The following ACKR5 variants were observed in gnomAD, a reference collection of about 807,000 sequenced individuals.
The protein encoded by ACKR5 is G protein-coupled receptor 182.
chr12:56,995,718 G>T, the ACKR5 span: 1 of 1,613,722 alleles, frequency 6.2e-7, no homozygotes, highest in Non-Finnish European at 8.5e-7. This position sits in a 1 kb window ranked among gnomAD's most constrained non-coding sequence, Gnocchi z 4.7. Flanking sequence ...CACCGAGTGC[G>T]GCGGGCCATG....
chr12:56,998,254 G>A, the ACKR5 span: 5 of 152,144 alleles, frequency 3.3e-5, no homozygotes, highest in Non-Finnish European at 7.3e-5. Context: ...ACTTCCCTAA[G>A]GCCTCCCATC....
chr12:56,995,960 C>A, the ACKR5 span: 1 of 1,612,036 alleles, frequency 6.2e-7, no homozygotes, highest in South Asian at 1.1e-5. This position sits in a 1 kb window ranked among gnomAD's most constrained non-coding sequence, Gnocchi z 4.7. Flanking sequence ...GCCAGGACAA[C>A]CCAAGAGCCG....
the ACKR5 span, chr12:56,996,426 G>T: frequency 1.3e-6 from 2 of 1,570,678 alleles, no homozygotes; most frequent in Non-Finnish European, 1.7e-6. Context: ...CCCAGCTGAG[G>T]TAGAGGCCAG....
the ACKR5 span, chr12:56,995,777 G>C: frequency 1.9e-6 from 3 of 1,614,070 alleles, no homozygotes; most frequent in Non-Finnish European, 2.5e-6. The surrounding 1 kb of genome is among the most constrained non-coding windows in gnomAD (Gnocchi z 4.7). Context: ...GCCTGAGGTG[G>C]TCCACATCCA....
At chr12:56,996,305 G>C in the ACKR5 span, 7 of 1,614,182 alleles carry the variant, frequency 4.3e-6, no homozygotes, top group Non-Finnish European at 5.9e-6. Flanking sequence ...CATCACCAAG[G>C]GTGATAGCCA....
chr12:56,996,608 G>A, the ACKR5 span: 2 of 569,038 alleles, frequency 3.5e-6, no homozygotes, highest in African/African-American at 1.9e-5. Flanking sequence ...CCTCAGTGTT[G>A]TACTATTTGT....
chr12:56,995,904 C>T, the ACKR5 span: 16 of 1,612,520 alleles, frequency 9.9e-6, no homozygotes, highest in South Asian at 9.9e-5. This position sits in a 1 kb window ranked among gnomAD's most constrained non-coding sequence, Gnocchi z 4.7. Context: ...CTGCCCTTCC[C>T]TCTCATCACA....
At chr12:56,996,283 G>A in the ACKR5 span, 2 of 1,614,134 alleles carry the variant, frequency 1.2e-6, no homozygotes, top group Non-Finnish European at 1.7e-6. Context: ...GTTCCACCCA[G>A]CATTCCATCA....
At chr12:56,997,836 G>C in the ACKR5 span, 1 of 152,326 alleles carries the variant, frequency 6.6e-6, no homozygotes, top group East Asian at 1.9e-4. Flanking sequence ...GAACTGTTCT[G>C]TGGATGCACT....
At chr12:56,995,784 T>C in the ACKR5 span, 1 of 1,614,094 alleles carries the variant, frequency 6.2e-7, no homozygotes, top group Non-Finnish European at 8.5e-7. The surrounding 1 kb of genome is among the most constrained non-coding windows in gnomAD (Gnocchi z 4.7). Context: ...GTGGTCCACA[T>C]CCAGCTGGTG....
chr12:56,994,840 G>A, the ACKR5 span, among the ~76,000 whole-genome samples: 15 of 151,118 alleles, frequency 9.9e-5, no homozygotes, highest in Admixed American at 9.9e-4. Flanking sequence ...AAGGGCTGAG[G>A]AATGAAGTGC....
the ACKR5 span, chr12:56,995,280 G>C: frequency 6.2e-7 from 1 of 1,614,126 alleles, no homozygotes; most frequent in South Asian, 1.1e-5. The surrounding 1 kb of genome is among the most constrained non-coding windows in gnomAD (Gnocchi z 4.7). Flanking sequence ...AGTGACCTTG[G>C]AGAGATCCAC....
chr12:56,995,746 C>T, the ACKR5 span: 2 of 1,613,786 alleles, frequency 1.2e-6, no homozygotes, highest in African/African-American at 2.7e-5. This position sits in a 1 kb window ranked among gnomAD's most constrained non-coding sequence, Gnocchi z 4.7. Context: ...GCATCTGGGT[C>T]CTCTCGGCCA....
chr12:56,996,109 C>A, the ACKR5 span: 2 of 1,613,846 alleles, frequency 1.2e-6, no homozygotes, highest in East Asian at 2.2e-5. Context: ...TGCTCTACTT[C>A]TTCTATGATG....
chr12:56,998,667 G>T, the ACKR5 span, among the ~76,000 whole-genome samples: 1 of 152,096 alleles, frequency 6.6e-6, no homozygotes, highest in Non-Finnish European at 1.5e-5. Flanking sequence ...ACTAAAAACA[G>T]GTCAACAAGT....
chr12:56,995,823 T>C, the ACKR5 span: 3 of 1,613,988 alleles, frequency 1.9e-6, no homozygotes, highest in Non-Finnish European at 2.5e-6. The surrounding 1 kb of genome is among the most constrained non-coding windows in gnomAD (Gnocchi z 4.7). Context: ...TGCCTCTTCA[T>C]GGCACCTTTT....
chr12:56,995,854 C>G, the ACKR5 span: 1 of 1,613,366 alleles, frequency 6.2e-7, no homozygotes, highest in Admixed American at 1.7e-5. This position sits in a 1 kb window ranked among gnomAD's most constrained non-coding sequence, Gnocchi z 4.7. Flanking sequence ...GCACCTGGGC[C>G]CTGGCGGTGG....
At chr12:56,995,975 C>T in the ACKR5 span, 1 of 1,611,206 alleles carries the variant, frequency 6.2e-7, no homozygotes, top group Non-Finnish European at 8.5e-7. This position sits in a 1 kb window ranked among gnomAD's most constrained non-coding sequence, Gnocchi z 4.7. Context: ...GAGCCGGCGC[C>T]ACTGCCTGCT....
At chr12:56,996,200 C>T in the ACKR5 span, 2 of 1,614,014 alleles carry the variant, frequency 1.2e-6, no homozygotes, top group Admixed American at 1.7e-5. Context: ...CCGGGGCCGG[C>T]TCCTGAATGC....
Sources: allele counts gnomAD v4.1 joint callset (sites outside exome capture counted in the v4.1 genomes callset), GRCh38; gene constraint gnomAD v4.1.1; non-coding constraint Gnocchi (gnomAD v3.1); transcripts MANE v1.5; gene names NCBI Gene and HGNC (gene_info 2026-07-23, HGNC 2026-07-21).